The following NELL2 variants were observed in gnomAD, a reference collection of about 807,000 sequenced individuals.
NELL2 encodes neural EGFL like 2.
Under a neutral mutation model 109.6 loss-of-function variants are expected in NELL2, and 41 were observed. The observed-to-expected ratio is 0.37, with a 90% CI of 0.29 to 0.49. The LOEUF (loss-of-function observed/expected upper bound fraction) is 0.49. Among genes scored for constraint, NELL2 ranks in the 20% least tolerant of loss-of-function variants. The pLI is 0.98. For synonymous variants in NELL2, 355 were observed against 344.7 expected, an observed-to-expected ratio of 1.03 and a Z score of -0.33; for missense variants, 900 against 1,008.3, an observed-to-expected ratio of 0.89 and a Z score of 1.45.
chr12:44,663,082 AG>A (rs1175507152), intron 13 of NELL2, among the ~76,000 whole-genome samples: 1 of 152,204 alleles, frequency 6.6e-6, no homozygotes, highest in African/African-American at 2.4e-5. Flanking sequence ...GGAACAGGAT[AG>A]AAGACTTTGG....
chr12:44,622,344 T>A (rs907718308), intron 13 of NELL2, among the ~76,000 whole-genome samples: 5 of 152,136 alleles, frequency 3.3e-5, no homozygotes, highest in Non-Finnish European at 7.3e-5. Flanking sequence ...GCAAGAGGCA[T>A]GATTTTCCAT....
At chr12:44,523,215 CA>C in intron 17 of NELL2, 75 bp downstream of exon 17, 1 of 1,429,652 alleles carries the variant, frequency 7.0e-7, no homozygotes. Flanking sequence ...CAAAACTCAT[CA>C]AGCCATATAC....
chr12:44,733,357 A>G (rs1939470348), intron 9 of NELL2, among the ~76,000 whole-genome samples: 2 of 152,020 alleles, frequency 1.3e-5, no homozygotes, highest in Admixed American at 6.6e-5. Flanking sequence ...TATACATACA[A>G]TGGAATATTA....
At chr12:44,725,956 T>C (rs762162414) in intron 9 of NELL2, among the ~76,000 whole-genome samples, 29 of 152,134 alleles carry the variant, frequency 1.9e-4, no homozygotes, top group Non-Finnish European at 3.7e-4. Flanking sequence ...CAGTGACATA[T>C]GTTTACCTAT....
intron 19 of NELL2, among the ~76,000 whole-genome samples, chr12:44,510,485 A>G (rs191101568): frequency 6.6e-6 from 1 of 152,362 alleles, no homozygotes; most frequent in East Asian, 1.9e-4. Flanking sequence ...ATACTTTAAT[A>G]TGATAAAAAC....
At chr12:44,765,702 A>G (rs1551082) in intron 9 of NELL2, among the ~76,000 whole-genome samples, 89,069 of 152,070 alleles carry the variant, frequency 0.59, 28,053 homozygotes, top group Non-Finnish European at 0.7. Flanking sequence ...ACCAACTCCA[A>G]GAACAATTTT....
chr12:44,719,683 T>G (rs1468835869), intron 9 of NELL2, among the ~76,000 whole-genome samples: 1 of 152,168 alleles, frequency 6.6e-6, no homozygotes, highest in African/African-American at 2.4e-5. Context: ...ATCTTTGGAT[T>G]GACAGTCTGT....
At chr12:44,546,400 C>T (rs1462413942) in intron 15 of NELL2, among the ~76,000 whole-genome samples, 2 of 152,086 alleles carry the variant, frequency 1.3e-5, no homozygotes, top group African/African-American at 4.8e-5. Context: ...CAACCACTTC[C>T]ATCTCTGCTG....
chr12:44,680,174 G>A lies in NELL2; in HGVS notation c.1319-14565C>T, dbSNP rs117024043. 1.2e-3 allele frequency among the ~76,000 whole-genome samples: 190 copies of A among 152,152 alleles called. 3 individuals are homozygous for A. The East Asian group carries it at 0.026, about 21-fold the overall frequency. ...AATTGTTACCCATCCAGAGTTGCTC[G>A]ATTAACCTGAACATTACATCAGTGT... On this transcript the variant is annotated intron_variant, in intron 12 of 19. Coordinates refer to ENST00000429094, the MANE Select transcript of NELL2 (RefSeq NM_001145108.2).
intron 13 of NELL2, among the ~76,000 whole-genome samples, chr12:44,634,948 G>A (rs114475851): frequency 5.9e-5 from 9 of 152,118 alleles, no homozygotes; most frequent in Non-Finnish European, 8.8e-5. Context: ...CAAAGAACAT[G>A]AACTCATCCT....
chr12:44,714,186 A>T (rs2136440721), intron 10 of NELL2, among the ~76,000 whole-genome samples: 1 of 152,114 alleles, frequency 6.6e-6, no homozygotes, highest in Middle Eastern at 3.4e-3. Context: ...CCTTTAACTA[A>T]TTTAAAACAC....
chr12:44,705,933 C>A (rs1213895348), intron 11 of NELL2, among the ~76,000 whole-genome samples: 1 of 152,088 alleles, frequency 6.6e-6, no homozygotes, highest in African/African-American at 2.4e-5. Flanking sequence ...TGAATTTTCT[C>A]CTCTCCCATC....
chr12:44,524,496 C>T lies in NELL2; in HGVS notation c.1805-1012G>A, dbSNP rs549686629. On this transcript the variant is annotated intron_variant, in intron 16 of 19. Coordinates refer to ENST00000429094, the MANE Select transcript of NELL2 (RefSeq NM_001145108.2). The stretch of plus-strand genomic sequence containing the variant: ...TGGAGTGTATAGCTTTTAACTAGGG[C>T]GCTGTATACTGATTCTCCTTGAAGA... Among the ~76,000 whole-genome samples, 9 of 152,160 alleles carry T rather than the reference C, an allele frequency of 5.9e-5. No homozygotes were observed. In the South Asian group the frequency reaches 6.2e-4, roughly 11 times the overall value.
In NELL2 at chr12:44,720,546, T is replaced by C. The variant is rs12227809; in HGVS notation, c.995-5805A>G. ...GTAAGAAAGTAGCTGGTTACTCTCA[T>C]AGCAGTAACTTACTAACATGAATAA... On this transcript the variant is annotated intron_variant, in intron 9 of 19. Coordinates refer to ENST00000429094, the MANE Select transcript of NELL2 (RefSeq NM_001145108.2). 1.2e-3 allele frequency among the ~76,000 whole-genome samples: 187 copies of C among 152,326 alleles called. 3 individuals carry two copies. The East Asian group carries it at 0.026, about 22-fold the overall frequency.
chr12:44,706,368 G>A (rs7966932), intron 11 of NELL2, among the ~76,000 whole-genome samples: 9,343 of 152,140 alleles, frequency 0.061, 947 homozygotes, highest in African/African-American at 0.21. Flanking sequence ...ACTTGATTTC[G>A]AGTGGGTTGC....
In NELL2 at chr12:44,807,336, C is replaced by T. The variant is rs1012505379; in HGVS notation, c.335+8650G>A. On this transcript the variant is annotated intron_variant, in intron 3 of 19. Transcript: ENST00000429094. ...TTTGATGGATTTTGCTCTTTACACA[C>T]ACACACACACACACACACACGCATG... Among the ~76,000 whole-genome samples, 698 of 151,028 alleles carry T rather than the reference C, an allele frequency of 4.6e-3. 4 individuals are homozygous for T. Among genetic ancestry groups the T allele is most frequent in the African/African-American group, 0.016 (662 of 41,186 alleles).
At chr12:44,776,841 A>T (rs1179421990) in intron 7 of NELL2, among the ~76,000 whole-genome samples, 1 of 152,160 alleles carries the variant, frequency 6.6e-6, no homozygotes, top group African/African-American at 2.4e-5. Flanking sequence ...CTCATTCCTG[A>T]TTTACTGAAT....
chr12:44,574,337 T>C (rs1221737342), intron 15 of NELL2, among the ~76,000 whole-genome samples: 1 of 152,062 alleles, frequency 6.6e-6, no homozygotes, highest in African/African-American at 2.4e-5. Context: ...ACAAAAAGAG[T>C]TGAAATTTTA....
intron 15 of NELL2, among the ~76,000 whole-genome samples, chr12:44,583,054 C>T (rs147302065): frequency 5.3e-5 from 8 of 152,202 alleles, no homozygotes; most frequent in East Asian, 3.9e-4. Flanking sequence ...GCTTCCGGAA[C>T]GGTAAGAAAT....
Sources: allele counts gnomAD v4.1 joint callset (sites outside exome capture counted in the v4.1 genomes callset), GRCh38; gene constraint gnomAD v4.1.1; transcripts MANE v1.5; gene names NCBI Gene and HGNC (gene_info 2026-07-23, HGNC 2026-07-21).